Variants in FRK observed in about 807,000 individuals in gnomAD.
FRK encodes tyrosine-protein kinase FRK.
In FRK, 51 loss-of-function variants were observed where a neutral mutation model predicts 56.4. That is an observed-to-expected ratio of 0.90 (90% confidence interval 0.72 to 1.14). The LOEUF (loss-of-function observed/expected upper bound fraction) is 1.14. FRK is among the 50% of genes most tolerant of loss of function. The pLI is 0.00. For synonymous variants in FRK, 245 were observed against 217.9 expected (o/e 1.12, Z -1.10); for missense variants, 570 against 601.4 (o/e 0.95, Z 0.55).
At chr6:116,000,748 A>G (rs1582698603) in intron 2 of FRK, among the ~76,000 whole-genome samples, 1 of 152,338 alleles carries the variant, frequency 6.6e-6, no homozygotes, top group Middle Eastern at 3.4e-3. Context: ...ATTACCATGA[A>G]AATACTCAAA....
At chr6:115,999,723 T>C (rs558860755) in intron 2 of FRK, among the ~76,000 whole-genome samples, 32 of 152,150 alleles carry the variant, frequency 2.1e-4, no homozygotes, top group Non-Finnish European at 4.1e-4. Context: ...AAATCTAGAG[T>C]GGTATATCTG....
At chr6:116,042,857 CACAT>C (rs1158682789) in intron 1 of FRK, among the ~76,000 whole-genome samples, 4 of 151,584 alleles carry the variant, frequency 2.6e-5, no homozygotes, top group Non-Finnish European at 5.9e-5. Context: ...CGTGCAAAGA[CACAT>C]ACAGGCTCAA....
chr6:116,072,541 A>ACG, the FRK span, among the ~76,000 whole-genome samples: 1 of 137,364 alleles, frequency 7.3e-6, no homozygotes, highest in Non-Finnish European at 1.6e-5. Context: ...ACACACACAC[A>ACG]CACACACACA....
At chr6:116,065,059 A>T (rs141133976), upstream of FRK, among the ~76,000 whole-genome samples, 41 of 152,128 alleles carry the variant, frequency 2.7e-4, no homozygotes, top group East Asian at 6.6e-3. Flanking sequence ...ACCTCCTTAG[A>T]CCTTCCTTAA....
At chr6:115,999,767 G>A (rs1416063890) in intron 2 of FRK, among the ~76,000 whole-genome samples, 7 of 152,070 alleles carry the variant, frequency 4.6e-5, no homozygotes. Context: ...GTCAGCAATT[G>A]GGTTGTTTGT....
rs528241942 is a variant in FRK at position 115,968,699 on chromosome 6, T to C, written c.507A>G (p.Arg169=). 2.5e-6 allele frequency: 4 copies of C among 1,613,852 alleles called. No individual in the cohort carries two copies. The African/African-American group carries it at 4.0e-5, about 16-fold the overall frequency. Residue 169 remains arginine (R), a synonymous_variant, in exon 3 of 8, where the codon AGA becomes AGG. Coordinates refer to ENST00000606080, the MANE Select transcript of FRK (RefSeq NM_002031.3). Reference sequence around the variant, plus strand: ...TGAGAAAAAATCCCCCTTCATCCAGTCTTTTAATTCTGTAGTGTTTTACAA... The same window carrying C: ...TGAGAAAAAATCCCCCTTCATCCAGCCTTTTAATTCTGTAGTGTTTTACAA... ...GAVVKHYRIK[R]LDEGGFFLTR...
At chr6:116,021,682 T>C (rs1384181298) in intron 1 of FRK, among the ~76,000 whole-genome samples, 1 of 152,154 alleles carries the variant, frequency 6.6e-6, no homozygotes, top group East Asian at 1.9e-4. Context: ...AAAAATAAGA[T>C]GATTAAGAAA....
the FRK span, among the ~76,000 whole-genome samples, chr6:116,081,949 A>C: frequency 6.6e-6 from 1 of 152,196 alleles, no homozygotes; most frequent in Non-Finnish European, 1.5e-5. Flanking sequence ...ATAATAAATC[A>C]ATAACATGCT....
In FRK at chr6:115,944,394, T is replaced by C; in HGVS notation, c.990A>G (p.Gln330=). The C allele has an allele frequency of 6.2e-7, 1 of 1,609,406 alleles. No homozygotes were observed. The change falls in exon 6 of 8, where the codon CAA becomes CAG. Residue 330 remains glutamine, a synonymous_variant. Coordinates refer to ENST00000606080, the MANE Select transcript of FRK (RefSeq NM_002031.3). ...CAACCTGTGCCGCCATGTCTACCTGTTGAGTCAGATGGATTTTTGATCCAG... is the reference window on the plus strand; with the variant it reads ...CAACCTGTGCCGCCATGTCTACCTGCTGAGTCAGATGGATTTTTGATCCAG... The part of the protein sequence containing the change: ...NDTGSKIHLT[Q]QVDMAAQVAS...
chr6:115,953,320 G>A (rs1300587315), intron 5 of FRK, among the ~76,000 whole-genome samples: 1 of 147,940 alleles, frequency 6.8e-6, no homozygotes, highest in Non-Finnish European at 1.5e-5. Flanking sequence ...CTCCCAAGTA[G>A]CTGGGACTAC....
In FRK at chr6:115,936,289, T is replaced by A. The variant is rs1772043110; in HGVS notation, c.*6125A>T. ...AGGAAAACTAACAAACAGAAAGGAATAGTATGTCCACTCAGAGACCCCATC... is the reference window on the plus strand; with the variant it reads ...AGGAAAACTAACAAACAGAAAGGAAAAGTATGTCCACTCAGAGACCCCATC... On this transcript the variant is annotated 3_prime_UTR_variant, in exon 8 of 8. Transcript: ENST00000606080. 1 of 151,972 alleles carries A rather than the reference T, an allele frequency of 6.6e-6. No individual in the cohort carries two copies. Among genetic ancestry groups the A allele is most frequent in the Non-Finnish European group, 1.5e-5 (1 of 68,020 alleles). 9.4% of individuals were successfully genotyped at this position (151,972 alleles called of 1,614,324 possible). A position where few individuals can be genotyped will look rare whatever the true frequency, so the allele number is the denominator to read the frequency against.
the FRK span, among the ~76,000 whole-genome samples, chr6:116,086,586 G>A: frequency 6.6e-6 from 1 of 152,128 alleles, no homozygotes; most frequent in Non-Finnish European, 1.5e-5. Flanking sequence ...TTGACAGAAC[G>A]AAAAATTAAT....
intron 1 of FRK, among the ~76,000 whole-genome samples, chr6:116,049,932 C>T (rs1777123893): frequency 6.6e-6 from 1 of 152,122 alleles, no homozygotes; most frequent in East Asian, 1.9e-4. Flanking sequence ...GGTATGATTT[C>T]CCCCAAATCA....
chr6:115,969,614 A>G (rs1439603170), intron 2 of FRK, among the ~76,000 whole-genome samples: 1 of 152,190 alleles, frequency 6.6e-6, no homozygotes, highest in East Asian at 1.9e-4. Context: ...ATAAGAACCA[A>G]GGAACCCCAA....
chr6:116,095,837 C>T, the FRK span, among the ~76,000 whole-genome samples: 1 of 152,222 alleles, frequency 6.6e-6, no homozygotes, highest in Non-Finnish European at 1.5e-5. Flanking sequence ...GACTTTGCAG[C>T]TTCTTAGGGG....
At chr6:115,956,982 T>C (rs1217033247) in intron 4 of FRK, among the ~76,000 whole-genome samples, 1 of 152,212 alleles carries the variant, frequency 6.6e-6, no homozygotes, top group Non-Finnish European at 1.5e-5. Flanking sequence ...ATTTAATTAC[T>C]GCAACCAGAG....
chr6:115,966,063 A>AT (rs1773559737), intron 4 of FRK, among the ~76,000 whole-genome samples: 1 of 12,924 alleles, frequency 7.7e-5, no homozygotes. Context: ...AAAAAAAATT[A>AT]AAAAAAAAAA....
intron 1 of FRK, among the ~76,000 whole-genome samples, chr6:116,007,522 A>G (rs751207524): frequency 2.6e-5 from 4 of 152,208 alleles, no homozygotes; most frequent in African/African-American, 4.8e-5. Flanking sequence ...AATATGAACC[A>G]TTATTTTTGC....
At chr6:116,039,956 A>AAAAAC (rs1169911612) in intron 1 of FRK, among the ~76,000 whole-genome samples, 2 of 151,980 alleles carry the variant, frequency 1.3e-5, no homozygotes, top group Non-Finnish European at 2.9e-5. Context: ...AAAAAAAAAA[A>AAAAAC]AAAAGGAAAA....
Sources: allele counts gnomAD v4.1 joint callset (sites outside exome capture counted in the v4.1 genomes callset), GRCh38; gene constraint gnomAD v4.1.1; transcripts MANE v1.5; gene names NCBI Gene and HGNC (gene_info 2026-07-23, HGNC 2026-07-21).